DPH6: variants seen among roughly 807,000 people sequenced by gnomAD.
The protein encoded by DPH6 is diphthamine biosynthesis 6.
A neutral mutation model predicts 38.2 loss-of-function variants in DPH6; 33 were observed. The ratio of observed to expected loss-of-function variants is 0.86; its 90% CI spans 0.65 to 1.15. The LOEUF (loss-of-function observed/expected upper bound fraction) is 1.15. Among genes scored for constraint, DPH6 ranks in the 50% most tolerant of loss-of-function variants. The pLI, the probability that DPH6 is intolerant of heterozygous loss-of-function variation, is 0.00. For missense variants in DPH6, 325 were observed against 320.0 expected, an observed-to-expected ratio of 1.02 and a Z score of -0.12; for synonymous variants, 108 against 103.0, an observed-to-expected ratio of 1.05 and a Z score of -0.30.
intron 3 of DPH6, among the ~76,000 whole-genome samples, chr15:35,310,976 T>C (rs921628482): frequency 6.6e-6 from 1 of 151,720 alleles, no homozygotes; most frequent in African/African-American, 2.4e-5. Context: ...GGAGAATCGC[T>C]TGAACCCGGG....
chr15:35,506,995 A>G (rs527899636), intron 3 of DPH6, among the ~76,000 whole-genome samples: 96 of 152,256 alleles, frequency 6.3e-4, no homozygotes, highest in Middle Eastern at 3.4e-3. Context: ...TGTATCCTAC[A>G]CTGCTAAAAT....
rs973868578 is a variant in DPH6 at position 35,299,330 on chromosome 15, C to A, written n.200+74191G>T. ...CCTTGTTTCGTCCTTTGGCTCTTTG[C>A]CTGAGTGAGAGCTGCCTTCTTCACC... On this transcript the variant is annotated intron_variant and non_coding_transcript_variant, in intron 3 of 3. Coordinates refer to the DPH6 transcript ENST00000560386. 1.1e-5 allele frequency: 11 copies of A among 1,016,658 alleles called. No homozygotes were observed. In the Admixed American group the frequency reaches 1.9e-4, roughly 17 times the overall value. 63.0% of individuals were successfully genotyped at this position (1,016,658 alleles called of 1,614,324 possible). A position where few individuals can be genotyped will look rare whatever the true frequency, so the allele number is the denominator to read the frequency against.
intron 8 of DPH6, chr15:35,372,469 T>C: frequency 3.8e-6 from 1 of 264,938 alleles, no homozygotes; most frequent in Non-Finnish European, 7.1e-6. Flanking sequence ...TTTGACTTTG[T>C]GTGTGCGTAC....
At chr15:35,366,330 C>A (rs1306335449), downstream of DPH6, among the ~76,000 whole-genome samples, 1 of 151,390 alleles carries the variant, frequency 6.6e-6, no homozygotes, top group Non-Finnish European at 1.5e-5. Flanking sequence ...AGATTTCAAT[C>A]CCCCATTGTG....
At chr15:35,519,761 G>C (rs1040356933) in intron 3 of DPH6, 2 of 152,346 alleles carry the variant, frequency 1.3e-5, no homozygotes, top group South Asian at 4.1e-4. Flanking sequence ...CTTTACAATA[G>C]AGGCTGAGAA....
chr15:35,405,636 T>C (rs939447073), intron 6 of DPH6, among the ~76,000 whole-genome samples: 1 of 152,134 alleles, frequency 6.6e-6, no homozygotes, highest in African/African-American at 2.4e-5. Context: ...TATACAATCA[T>C]ATCCTAAGCA....
At chr15:35,262,623 G>A (rs937350874) in intron 3 of DPH6, among the ~76,000 whole-genome samples, 4 of 149,462 alleles carry the variant, frequency 2.7e-5, no homozygotes, top group East Asian at 2.0e-4. Context: ...GGAGAATGGC[G>A]TGAACCCGGG....
intron 6 of DPH6, among the ~76,000 whole-genome samples, chr15:35,403,206 A>T (rs535116882): frequency 1.3e-5 from 2 of 152,274 alleles, no homozygotes; most frequent in African/African-American, 4.8e-5. Context: ...ACCATGGGGC[A>T]AGAAAGGTAT....
intron 3 of DPH6, among the ~76,000 whole-genome samples, chr15:35,526,110 G>C (rs1333793174): frequency 5.9e-5 from 9 of 152,142 alleles, no homozygotes. Context: ...GTTTTAAAGA[G>C]ATAAATCATG....
chr15:35,504,730 CTTAA>C (rs1452233819), intron 3 of DPH6, among the ~76,000 whole-genome samples: 6 of 152,014 alleles, frequency 3.9e-5, no homozygotes, highest in African/African-American at 9.7e-5. Flanking sequence ...ACATCATAAT[CTTAA>C]TTAATCACTG....
intron 3 of DPH6, chr15:35,520,349 G>T: frequency 1.0e-6 from 1 of 983,238 alleles, no homozygotes; most frequent in South Asian, 4.7e-5. Flanking sequence ...TCATAGACAT[G>T]CATTTTGTGC....
chr15:35,368,574 T>A (rs981698274), downstream of DPH6, among the ~76,000 whole-genome samples: 2 of 151,898 alleles, frequency 1.3e-5, no homozygotes. Context: ...GGGTAAGATA[T>A]AAATTTAATG....
chr15:35,517,164 A>G (rs770310535), intron 3 of DPH6, among the ~76,000 whole-genome samples: 41 of 152,084 alleles, frequency 2.7e-4, no homozygotes, highest in Non-Finnish European at 1.8e-4. Flanking sequence ...AATTTAAAGA[A>G]GAATTTTTTT....
intron 3 of DPH6, among the ~76,000 whole-genome samples, chr15:35,333,284 G>A (rs1026502994): frequency 4.6e-5 from 7 of 152,132 alleles, no homozygotes; most frequent in South Asian, 2.1e-4. Flanking sequence ...GCAATGATAC[G>A]AATACTTGGT....
chr15:35,196,113 A>C, the DPH6 span, among the ~76,000 whole-genome samples: 1 of 152,206 alleles, frequency 6.6e-6, no homozygotes, highest in Non-Finnish European at 1.5e-5. Context: ...AATGGGATCC[A>C]CTGGAAAAAG....
chr15:35,195,518 A>T, the DPH6 span, among the ~76,000 whole-genome samples: 1 of 152,296 alleles, frequency 6.6e-6, no homozygotes, highest in Non-Finnish European at 1.5e-5. Context: ...GAGACCAGAG[A>T]ACTCATAGAT....
At chr15:35,272,146 A>C (rs898151200) in intron 3 of DPH6, among the ~76,000 whole-genome samples, 29 of 152,324 alleles carry the variant, frequency 1.9e-4, no homozygotes, top group Non-Finnish European at 2.8e-4. Flanking sequence ...CAATAAAAAA[A>C]CACAAAAAAC....
chr15:35,330,905 A>C (rs1048626967), exon 4 of DPH6: 1 of 152,174 alleles, frequency 6.6e-6, no homozygotes, highest in East Asian at 1.9e-4. Context: ...CTGTTTTAAA[A>C]AGCAATTTTC....
rs137888416 is a variant in DPH6 at position 35,397,866 on chromosome 15, T to TACAC, written c.567+12968_567+12969insGTGT. Reference sequence around the variant, plus strand: ...AAAATAGATGGAATCAATTTATATATATACACACACACACACACACACACA... The same window carrying TACAC: ...AAAATAGATGGAATCAATTTATATATACACATACACACACACACACACACACACA... On this transcript the variant is annotated intron_variant, in intron 6 of 8. Transcript: ENST00000256538. 6.0e-3 allele frequency among the ~76,000 whole-genome samples: 536 copies of TACAC among 88,870 alleles called. 4 individuals carry two copies. Among genetic ancestry groups the TACAC allele is most frequent in the African/African-American group, 0.024 (516 of 21,492 alleles). 58.3% of individuals were successfully genotyped at this position (88,870 alleles called of 152,430 possible). A position where few individuals can be genotyped will look rare whatever the true frequency, so the allele number is the denominator to read the frequency against.
Sources: allele counts gnomAD v4.1 joint callset (sites outside exome capture counted in the v4.1 genomes callset), GRCh38; gene constraint gnomAD v4.1.1; transcripts MANE v1.5; gene names NCBI Gene and HGNC (gene_info 2026-07-23, HGNC 2026-07-21).